HRNR: variants seen among roughly 807,000 people sequenced by gnomAD.
HRNR encodes the protein hornerin.
Under a neutral mutation model 4.8 loss-of-function variants are expected in HRNR, and 7 were observed. The observed-to-expected ratio is 1.47, with a 90% CI of 0.83 to 2.75. The LOEUF is 2.75. Ranked by LOEUF, HRNR falls within the 30% of genes most tolerant of loss-of-function variation. The pLI is 0.00. For missense variants in HRNR, 2,879 were observed against 3,010.4 expected (o/e 0.96, Z 1.02); for synonymous variants, 1,023 against 1,242.7 (o/e 0.82, Z 3.72).
rs145632973 is a variant in HRNR, at chr1:152,218,550, A to G, written c.3079T>C (p.Tyr1027His). ...GSGQSSSYGP[Y>H]RSGSGWSSSR... Reference sequence around the variant, plus strand: ...GAAGACCACCCTGAGCCAGACCTATATGGGCCATAGCTGGAAGACTGCCCG... The same window carrying G: ...GAAGACCACCCTGAGCCAGACCTATGTGGGCCATAGCTGGAAGACTGCCCG... The change falls in exon 3 of 3, where the codon TAT becomes CAT. Residue 1027 changes from tyrosine (Y) to histidine (H), a missense_variant. Tyr to His is a moderately conservative substitution (Grantham distance 83). Transcript: ENST00000368801. The G allele has an allele frequency of 3.6e-5, 58 of 1,612,360 alleles. No individual in the cohort carries two copies. Among genetic ancestry groups the G allele is most frequent in the African/African-American group, 5.4e-5 (4 of 74,346 alleles).
chr1:152,221,237 C>A lies in HRNR; in HGVS notation c.392G>T (p.Ser131Ile). The A allele has an allele frequency of 6.2e-7, 1 of 1,614,162 alleles. No individual in the cohort carries two copies. The highest frequency in any genetic ancestry group is 8.5e-7 in the Non-Finnish European group (1 of 1,180,036). Reference protein sequence around the residue: ...KRQESSFSHSSWSAGENDSYS... With the variant: ...KRQESSFSHSIWSAGENDSYS... ...GGAATCATTCTCTCCTGCACTCCAA[C>A]TTGAATGACTAAAAGAGGATTCTTG... The change falls in exon 3 of 3, where the codon AGT becomes ATT. Residue 131 changes from serine to isoleucine, a missense_variant. Transcript: ENST00000368801.
rs74641569 is a variant in HRNR at position 152,221,959 on chromosome 1, A to C, written c.139-469T>G. 5.8e-3 allele frequency among the ~76,000 whole-genome samples: 880 copies of C among 152,336 alleles called. 10 individuals are homozygous for C. Among genetic ancestry groups the C allele is most frequent in the African/African-American group, 0.019 (810 of 41,572 alleles). On this transcript the variant is annotated intron_variant, in intron 2 of 2. Coordinates refer to ENST00000368801, the MANE Select transcript of HRNR (RefSeq NM_001009931.3). Reference sequence around the variant, plus strand: ...AGTTTGCTTCCTGAAAAAAAATGGAATTTAAAGTTTAGTTGGCCAGATATA... The same window carrying C: ...AGTTTGCTTCCTGAAAAAAAATGGACTTTAAAGTTTAGTTGGCCAGATATA...
rs148964009 is a variant in HRNR at position 152,218,932 on chromosome 1, C to G, written c.2697G>C (p.Gly899=). 16 of 1,613,032 alleles carry G rather than the reference C, an allele frequency of 9.9e-6. No individual in the cohort carries two copies. Among genetic ancestry groups the G allele is most frequent in the Admixed American group, 3.3e-5 (2 of 59,930 alleles). ...QSPGHGQRGS[G]SGQSPSYGRH... is the part of the protein sequence containing the mutation. ...GGCCATAGCTGGGAGACTGCCCTGA[C>G]CCAGACCCACGCTGGCCGTGGCCTG... The change falls in exon 3 of 3, where the codon GGG becomes GGC. Residue 899 remains glycine (G), a synonymous_variant. Transcript: ENST00000368801.
Position 152,218,578 on chromosome 1 carries a change from A to T in HRNR, c.3051T>A (p.Gly1017=), listed in dbSNP as rs757987218. Reference sequence around the variant, plus strand: ...GGCCATAGCTGGAAGACTGCCCGGAACCAGACCCATGTCGGCCACGGCTAG... The same window carrying T: ...GGCCATAGCTGGAAGACTGCCCGGATCCAGACCCATGTCGGCCACGGCTAG... The part of the protein sequence containing the change: ...PSPSRGRHGS[G]SGQSSSYGPY... The change falls in exon 3 of 3, where the codon GGT becomes GGA. Residue 1017 remains glycine (G), a synonymous_variant. Coordinates refer to ENST00000368801, the MANE Select transcript of HRNR (RefSeq NM_001009931.3). The T allele has an allele frequency of 1.2e-6, 2 of 1,611,016 alleles. No individual in the cohort carries two copies. The highest frequency in any genetic ancestry group is 1.7e-6 in the Non-Finnish European group (2 of 1,179,090).
chr1:152,220,951 GC>G lies in HRNR; in HGVS notation c.677del (p.Gly226AlafsTer359), dbSNP rs747173184. The G allele has an allele frequency of 3.7e-6, 6 of 1,612,232 alleles. No individual in the cohort carries two copies. Among genetic ancestry groups the G allele is most frequent in the Non-Finnish European group, 4.2e-6 (5 of 1,178,332 alleles). On this transcript the variant is annotated frameshift_variant, in exon 3 of 3. Transcript: ENST00000368801. LOFTEE classifies it low-confidence loss of function (END_TRUNC). ...SSNDTHGSGS[G>X]QSSGFSQHKS... ...TGTGTTGACTAAAGCCAGAAGACTGGCCTGAGCCAGACCCATGTGTGTCATT... is the reference window on the plus strand; with the variant it reads ...TGTGTTGACTAAAGCCAGAAGACTGGCTGAGCCAGACCCATGTGTGTCATT...
Position 152,220,178 on chromosome 1 carries a change from C to T in HRNR, c.1451G>A (p.Gly484Asp), listed in dbSNP as rs1187365593. 1.2e-5 allele frequency: 19 copies of T among 1,613,224 alleles called. No homozygotes were observed. Among genetic ancestry groups the T allele is most frequent in the Non-Finnish European group, 1.4e-5 (17 of 1,179,420 alleles). Residue 484 changes from glycine to aspartate, a missense_variant, in exon 3 of 3, where the codon GGC becomes GAC. Gly to Asp is a moderately conservative substitution (Grantham distance 94, BLOSUM62 -1). Transcript: ENST00000368801. ...TCCGTGGCCGGAGGAGTGACCTGAG[C>T]CAGATCCATGCTGAGTGTAACCAGA... ...HSSGYTQHGS[G>D]SGHSSGHGQH... is the part of the protein sequence containing the mutation.
chr1:152,218,824 C>A lies in HRNR; in HGVS notation c.2805G>T (p.Lys935Asn), dbSNP rs758813243. The A allele has an allele frequency of 6.2e-7, 1 of 1,612,810 alleles. No homozygotes were observed. The highest frequency in any genetic ancestry group is 8.5e-7 in the Non-Finnish European group (1 of 1,179,760). ...AACCAGAGGACTGCCCTGAGCTAGA[C>A]TTGTGACCAAAGCCAGAAGACTGGC... ...GSGQSSGFGH[K>N]SSSGQSSGYT... Residue 935 changes from lysine to asparagine, a missense_variant, in exon 3 of 3, where the codon AAG becomes AAT. Physicochemically the swap from Lys to Asn is moderately conservative, Grantham distance 94 (BLOSUM62 0). This residue lies in a region of HRNR where 2,646 missense variants were observed against 1,377.7 expected (regional missense o/e 1.92). Transcript: ENST00000368801.
rs755274727 is a variant in HRNR, at chr1:152,219,119, T to C, written c.2510A>G (p.His837Arg). 11 of 1,613,320 alleles carry C rather than the reference T, an allele frequency of 6.8e-6. No homozygotes were observed. Among genetic ancestry groups the C allele is most frequent in the Non-Finnish European group, 9.3e-6 (11 of 1,179,918 alleles). The change falls in exon 3 of 3, where the codon CAC becomes CGC. Residue 837 changes from histidine to arginine, a missense_variant. By Grantham distance (29) the His-to-Arg change is conservative. Transcript: ENST00000368801. Reference protein sequence around the residue: ...GYSQHGSASGHFSSQGRHGST... With the variant: ...GYSQHGSASGRFSSQGRHGST... ...TCCATGTCGTCCCTGGCTAGAGAAG[T>C]GACCTGAGGCAGAACCATGCTGACT...
At position 152,219,009 on chromosome 1, in the gene HRNR, A is replaced by G; in HGVS notation, c.2620T>C (p.Ser874Pro). ...SSSYGQHESA[S>P]HHASGRGRHG... Reference sequence around the variant, plus strand: ...CGGCCGCGGCCCGAAGCGTGATGGGAGGCAGACTCATGCTGACCATAGCTG... The same window carrying G: ...CGGCCGCGGCCCGAAGCGTGATGGGGGGCAGACTCATGCTGACCATAGCTG... The change falls in exon 3 of 3, where the codon TCC (serine) becomes CCC (proline). Residue 874 changes from serine (S) to proline (P), a missense_variant. Coordinates refer to ENST00000368801, the MANE Select transcript of HRNR (RefSeq NM_001009931.3). The G allele has an allele frequency of 6.2e-7, 1 of 1,613,932 alleles. No homozygotes were observed. The highest frequency in any genetic ancestry group is 8.5e-7 in the Non-Finnish European group (1 of 1,179,976).
rs1156370211 is a variant in HRNR at position 152,218,740 on chromosome 1, C to T, written c.2889G>A (p.Arg963=). ...HSSSYEQHGS[R]SGQSSRSEQH... is the part of the protein sequence containing the mutation. The stretch of plus-strand genomic sequence containing the variant: ...GTTCGCTCCTAGATGACTGTCCTGA[C>T]CTAGAGCCGTGTTGTTCGTAGCTGG... The change falls in exon 3 of 3, where the codon AGG becomes AGA. Residue 963 remains arginine, a synonymous_variant. Transcript: ENST00000368801. The T allele has an allele frequency of 5.6e-6, 9 of 1,613,378 alleles. No individual in the cohort carries two copies. In the East Asian group the frequency reaches 2.0e-4, roughly 36 times the overall value.
Position 152,220,940 on chromosome 1 carries a change from C to A in HRNR, c.689G>T (p.Gly230Val). The A allele has an allele frequency of 3.1e-6, 5 of 1,612,434 alleles. No individual in the cohort carries two copies. The highest frequency in any genetic ancestry group is 4.2e-6 in the Non-Finnish European group (5 of 1,178,376). Residue 230 changes from glycine (G) to valine (V), a missense_variant, in exon 3 of 3, where the codon GGC becomes GTC. Physicochemically the swap from Gly to Val is moderately radical, Grantham distance 109 (BLOSUM62 -3). This residue lies in a region of HRNR where 2,646 missense variants were observed against 1,377.7 expected (regional missense o/e 1.92). Coordinates refer to ENST00000368801, the MANE Select transcript of HRNR (RefSeq NM_001009931.3). Reference sequence around the variant, plus strand: ...TGAGCTAGACTTGTGTTGACTAAAGCCAGAAGACTGGCCTGAGCCAGACCC... The same window carrying A: ...TGAGCTAGACTTGTGTTGACTAAAGACAGAAGACTGGCCTGAGCCAGACCC... Reference protein sequence around the residue: ...THGSGSGQSSGFSQHKSSSGQ... With the variant: ...THGSGSGQSSVFSQHKSSSGQ...
rs777627358 is a variant in HRNR, at chr1:152,219,505, C to T, written c.2124G>A (p.Gly708=). Residue 708 remains glycine (G), a synonymous_variant, in exon 3 of 3, where the codon GGG becomes GGA. Transcript: ENST00000368801. ...CATGCTGACTGTAACCAGAGGACTGCCCTGAGCCAGACTTGTGACCAAAGC... is the reference window on the plus strand; with the variant it reads ...CATGCTGACTGTAACCAGAGGACTGTCCTGAGCCAGACTTGTGACCAAAGC... ...SSGFGHKSGS[G]QSSGYSQHGS... 1.2e-6 allele frequency: 2 copies of T among 1,613,198 alleles called. No homozygotes were observed. The highest frequency in any genetic ancestry group is 1.1e-5 in the South Asian group (1 of 91,012).
At position 152,219,129 on chromosome 1, in the gene HRNR, C is replaced by G. The variant is rs375163291; in HGVS notation, c.2500G>C (p.Ala834Pro). 2.5e-6 allele frequency: 4 copies of G among 1,613,788 alleles called. No individual in the cohort carries two copies. Among genetic ancestry groups the G allele is most frequent in the Admixed American group, 3.3e-5 (2 of 59,990 alleles). Residue 834 changes from alanine (A) to proline (P), a missense_variant, in exon 3 of 3, where the codon GCC (alanine) becomes CCC (proline). Transcript: ENST00000368801. ...SGQGYSQHGSASGHFSSQGRH... is the reference protein window; with the variant it reads ...SGQGYSQHGSPSGHFSSQGRH... ...CCCTGGCTAGAGAAGTGACCTGAGG[C>G]AGAACCATGCTGACTATAGCCCTGT...
chr1:152,220,653 C>A lies in HRNR; in HGVS notation c.976G>T (p.Gly326Trp), dbSNP rs747884891. The change falls in exon 3 of 3, where the codon GGG becomes TGG. Residue 326 changes from glycine to tryptophan, a missense_variant. By Grantham distance (184) the Gly-to-Trp change is radical. Transcript: ENST00000368801. ...SGHSSSHGQH[G>W]SGSSYSYSRG... ...CTGTAAGAGTAACTTGAGCCAGACC[C>A]GTGTTGGCCGTGGCTGGAGGAGTGC... The A allele has an allele frequency of 6.2e-7, 1 of 1,612,124 alleles. No homozygotes were observed. The highest frequency in any genetic ancestry group is 1.7e-5 in the Admixed American group (1 of 59,936).
In HRNR at chr1:152,220,388, C is replaced by T. The variant is rs759480390; in HGVS notation, c.1241G>A (p.Gly414Asp). Residue 414 changes from glycine (G) to aspartate (D), a missense_variant, in exon 3 of 3, where the codon GGC (glycine) becomes GAC (aspartate). Coordinates refer to ENST00000368801, the MANE Select transcript of HRNR (RefSeq NM_001009931.3). The stretch of plus-strand genomic sequence containing the variant: ...CTGGCCAGATCCAGAGCTGTGTTGG[C>T]CGCGGCCTGAAGAGTGACGGGAGGC... The part of the protein sequence containing the change: ...ESASRHSSGR[G>D]QHSSGSGQSP... 1.2e-6 allele frequency: 2 copies of T among 1,614,134 alleles called. No homozygotes were observed. The highest frequency in any genetic ancestry group is 1.1e-5 in the South Asian group (1 of 91,076).
At position 152,222,349 on chromosome 1, in the gene HRNR, T is replaced by C. The variant is rs192839544; in HGVS notation, c.138+767A>G. On this transcript the variant is annotated intron_variant, in intron 2 of 2. Transcript: ENST00000368801. ...ACTTTGTACTTCATTTTAAGAGCAATTGGGAACTATTGAAGGATTTTTAGC... is the reference window on the plus strand; with the variant it reads ...ACTTTGTACTTCATTTTAAGAGCAACTGGGAACTATTGAAGGATTTTTAGC... 1.6e-3 allele frequency among the ~76,000 whole-genome samples: 242 copies of C among 152,270 alleles called. 1 individual carries two copies. Among genetic ancestry groups the C allele is most frequent in the African/African-American group, 5.7e-3 (239 of 41,570 alleles).
At position 152,220,127 on chromosome 1, in the gene HRNR, G is replaced by C; in HGVS notation, c.1502C>G (p.Ser501Ter). 6.2e-7 allele frequency: 1 copy of C among 1,613,420 alleles called. No homozygotes were observed. Among genetic ancestry groups the C allele is most frequent in the Non-Finnish European group, 8.5e-7 (1 of 1,179,544 alleles). ...HGQHGSRSGQ[S>*]SRGERQGSSA... is the part of the protein sequence containing the mutation. ...AGATCCTTGTCGTTCACCCCTAGAT[G>C]ACTGTCCTGACCTAGAGCCGTGTTG... Residue 501 changes from serine (S) to a stop codon, truncating the protein, a stop_gained, in exon 3 of 3, where the codon TCA (serine) becomes TGA (stop). Coordinates refer to ENST00000368801, the MANE Select transcript of HRNR (RefSeq NM_001009931.3). LOFTEE classifies it low-confidence loss of function (END_TRUNC).
chr1:152,222,517 G>A (rs574235845), intron 2 of HRNR, among the ~76,000 whole-genome samples: 16 of 152,194 alleles, frequency 1.1e-4, no homozygotes, highest in Non-Finnish European at 2.1e-4. Flanking sequence ...TTAGAAGGTA[G>A]TGGTGTCTGC....
rs1398789253 is a variant in HRNR, at chr1:152,220,958, C to T, written c.671G>A (p.Gly224Asp). Residue 224 changes from glycine (G) to aspartate (D), a missense_variant, in exon 3 of 3, where the codon GGC (glycine) becomes GAC (aspartate). Coordinates refer to ENST00000368801, the MANE Select transcript of HRNR (RefSeq NM_001009931.3). The stretch of plus-strand genomic sequence containing the variant: ...ACTAAAGCCAGAAGACTGGCCTGAG[C>T]CAGACCCATGTGTGTCATTGCTGGA... Reference protein sequence around the residue: ...QSSSNDTHGSGSGQSSGFSQH... With the variant: ...QSSSNDTHGSDSGQSSGFSQH... The T allele has an allele frequency of 1.9e-6, 3 of 1,612,346 alleles. No individual in the cohort carries two copies. The highest frequency in any genetic ancestry group is 1.7e-6 in the Non-Finnish European group (2 of 1,178,388).
Sources: gnomAD v4.1 joint callset for allele counts (sites outside exome capture counted in the v4.1 genomes callset) on GRCh38, gnomAD v4.1.1 for gene constraint, gnomAD v4.1.1 regional missense constraint, MANE v1.5 for transcripts, NCBI Gene and HGNC (gene_info 2026-07-23, HGNC 2026-07-21) for gene names.